ITGAD: variants seen among roughly 807,000 people sequenced by gnomAD.
ITGAD encodes integrin alpha-D.
Under a neutral mutation model 139.0 loss-of-function variants are expected in ITGAD, and 105 were observed. That is an observed-to-expected ratio of 0.76 (90% CI 0.65 to 0.89). The LOEUF (loss-of-function observed/expected upper bound fraction) is 0.89, where lower values mean the gene tolerates loss of function less well. ITGAD is among the 40% of genes least tolerant of loss of function. The pLI is 0.00. For synonymous variants in ITGAD, 569 were observed against 598.3 expected (o/e 0.95, Z 0.71); for missense variants, 1,384 against 1,487.3 (o/e 0.93, Z 1.14).
At position 31,414,468 on chromosome 16, in the gene ITGAD, G is replaced by C; in HGVS notation, c.2014G>C (p.Val672Leu). 6.2e-7 allele frequency: 1 copy of C among 1,614,196 alleles called. No individual in the cohort carries two copies. The highest frequency in any genetic ancestry group is 8.5e-7 in the Non-Finnish European group (1 of 1,180,020). The change falls in exon 17 of 30, where the codon GTC becomes CTC. Residue 672 changes from valine to leucine, a missense_variant. By Grantham distance (32) the Val-to-Leu change is conservative (BLOSUM62 1). Coordinates refer to ENST00000389202, the MANE Select transcript of ITGAD (RefSeq NM_005353.3). ...LDQLGDIQSS[V>L]RFDLALDPGR... The stretch of plus-strand genomic sequence containing the variant: ...CACTTCAGGTGACATCCAAAGCTCT[G>C]TCAGGTTTGATCTGGCACTGGACCC...
intron 2 of ITGAD, 106 bp downstream of exon 2, chr16:31,394,447 G>C (rs2081217574): frequency 2.8e-6 from 2 of 718,048 alleles, no homozygotes; most frequent in Non-Finnish European, 4.7e-6. Flanking sequence ...GCCAGCAGGG[G>C]TGAGAAGTCT....
Position 31,411,081 on chromosome 16 carries a change from C to T in ITGAD, c.1362C>T (p.Gly454=). ...KKAEVTGTQI[G]SYFGASLCSV... Reference sequence around the variant, plus strand: ...ACCCAGGCTCTGCCCTCCAGATCGGCTCCTACTTCGGGGCCTCCCTCTGCT... The same window carrying T: ...ACCCAGGCTCTGCCCTCCAGATCGGTTCCTACTTCGGGGCCTCCCTCTGCT... The change falls in exon 13 of 30, where the codon GGC becomes GGT. Residue 454 remains glycine (G), a synonymous_variant. Coordinates refer to ENST00000389202, the MANE Select transcript of ITGAD (RefSeq NM_005353.3). The T allele has an allele frequency of 6.2e-7, 1 of 1,612,198 alleles. No individual in the cohort carries two copies.
chr16:31,402,245 G>A lies in ITGAD; in HGVS notation c.558G>A (p.Leu186=). ...GCCAGTTTGAGGGCACTGACACCCT[G>A]GTGAAGACTGGGCACCTGGGGCTGG... is the stretch of plus-strand genomic sequence containing the variant. ...VMGQFEGTDT[L]FALMQYSNLL... The change falls in exon 6 of 30, where the codon CTG becomes CTA. Residue 186 remains leucine, a splice_region_variant and synonymous_variant. Transcript: ENST00000389202. 6.3e-7 allele frequency: 1 copy of A among 1,592,464 alleles called. No homozygotes were observed. The highest frequency in any genetic ancestry group is 8.6e-7 in the Non-Finnish European group (1 of 1,166,404).
intron 7 of ITGAD, among the ~76,000 whole-genome samples, chr16:31,406,863 G>A (rs1292976193): frequency 6.6e-6 from 1 of 152,202 alleles, no homozygotes; most frequent in East Asian, 1.9e-4. Context: ...CTACAGCACA[G>A]TTATCCTCAT....
rs769568946 is a variant in ITGAD, at chr16:31,423,864, G to T, written c.3065G>T (p.Cys1022Phe). The change falls in exon 27 of 30, where the codon TGC becomes TTC. Residue 1022 changes from cysteine (C) to phenylalanine (F), a missense_variant. Transcript: ENST00000389202. ...CCCCAGGACTGCTCCATTGCTGACT[G>T]CCTGCAGTTCCGCTGTGACGTCCCC... ...SPMLDCSIAD[C>F]LQFRCDVPSF... is the part of the protein sequence containing the mutation. 1 of 1,614,076 alleles carries T rather than the reference G, an allele frequency of 6.2e-7. No homozygotes were observed. Among genetic ancestry groups the T allele is most frequent in the African/African-American group, 1.3e-5 (1 of 74,908 alleles).
chr16:31,414,534 A>C lies in ITGAD; in HGVS notation c.2080A>C (p.Asn694His), dbSNP rs2081831761. 1 of 1,614,166 alleles carries C rather than the reference A, an allele frequency of 6.2e-7. No homozygotes were observed. The highest frequency in any genetic ancestry group is 8.5e-7 in the Non-Finnish European group (1 of 1,180,040). Residue 694 changes from asparagine to histidine, a missense_variant, in exon 17 of 30, where the codon AAC (asparagine) becomes CAC (histidine). Coordinates refer to ENST00000389202, the MANE Select transcript of ITGAD (RefSeq NM_005353.3). ...TSRAIFNETK[N>H]PTLTRRKTLG... is the part of the protein sequence containing the mutation. ...TCGTGCCATTTTCAATGAAACCAAG[A>C]ACCCCACTTTGACTCGAAGAAAAAC...
intron 14 of ITGAD, among the ~76,000 whole-genome samples, chr16:31,412,007 G>A (rs761559238): frequency 3.3e-5 from 5 of 151,746 alleles, no homozygotes; most frequent in Non-Finnish European, 7.4e-5. Context: ...CTCATGACGG[G>A]TTGGACCCAA....
rs138582754 is a variant in ITGAD, at chr16:31,403,581, C to T, written c.640C>T (p.Leu214=). 1.2e-6 allele frequency: 2 copies of T among 1,614,214 alleles called. No homozygotes were observed. ...CCGGACCAGCCCGAGCCAGCAGAGC[C>T]TGGTGGATCCCATCGTCCAACTGAA... ...QFRTSPSQQS[L]VDPIVQLKGL... is the part of the protein sequence containing the mutation. The change falls in exon 7 of 30, where the codon CTG becomes TTG. Residue 214 remains leucine, a synonymous_variant. Coordinates refer to ENST00000389202, the MANE Select transcript of ITGAD (RefSeq NM_005353.3). The surrounding 1 kb of genome is among the most constrained non-coding windows in gnomAD (Gnocchi z 4.4).
At chr16:31,413,054 C>T in intron 15 of ITGAD, 35 bp from the exon 16 acceptor site, 1 of 1,610,716 alleles carries the variant, frequency 6.2e-7, no homozygotes, top group Non-Finnish European at 8.5e-7. Context: ...TCCCAGAAGC[C>T]AGTGTTCTGT....
chr16:31,398,190 G>A (rs2081319226), intron 5 of ITGAD, among the ~76,000 whole-genome samples: 1 of 152,178 alleles, frequency 6.6e-6, no homozygotes, highest in Non-Finnish European at 1.5e-5. Context: ...GCTGAGGTGG[G>A]CGGATCACCT....
At chr16:31,417,942 G>A (rs1178998263) in intron 20 of ITGAD, 133 bp from the exon 21 acceptor site, 30 of 592,002 alleles carry the variant, frequency 5.1e-5, no homozygotes, top group Middle Eastern at 4.6e-4. Flanking sequence ...AGTGAAATCC[G>A]TCTCAAAAAA....
At chr16:31,419,962 A>G (rs940020872) in intron 23 of ITGAD, among the ~76,000 whole-genome samples, 1 of 152,148 alleles carries the variant, frequency 6.6e-6, no homozygotes, top group Non-Finnish European at 1.5e-5. Flanking sequence ...CTGGTGGGAC[A>G]CACACACATT....
chr16:31,401,858 C>T (rs1480401167), intron 5 of ITGAD, among the ~76,000 whole-genome samples: 1 of 152,218 alleles, frequency 6.6e-6, no homozygotes, highest in Non-Finnish European at 1.5e-5. Context: ...GCACCCCTAG[C>T]ATCTGTGTTT....
chr16:31,401,612 C>T (rs908918788), intron 5 of ITGAD, among the ~76,000 whole-genome samples: 2 of 152,222 alleles, frequency 1.3e-5, no homozygotes, highest in Non-Finnish European at 2.9e-5. Flanking sequence ...GGCAGAGGGC[C>T]AGGACTTGTC....
intron 7 of ITGAD, chr16:31,404,348 G>C (rs1454338138): frequency 6.6e-6 from 1 of 152,224 alleles, no homozygotes; most frequent in Non-Finnish European, 1.5e-5. Context: ...GAAGGAGCTG[G>C]GCTGACGGTC....
intron 20 of ITGAD, 129 bp from the exon 21 acceptor site, chr16:31,417,946 C>CA (rs11286775): frequency 4.6e-5 from 33 of 711,544 alleles, no homozygotes; most frequent in East Asian, 7.8e-5. Context: ...AAATCCGTCT[C>CA]AAAAAAAAAC....
Position 31,424,490 on chromosome 16 carries a change from C to G in ITGAD, c.3285C>G (p.Asp1095Glu), listed in dbSNP as rs779933148. 6.2e-7 allele frequency: 1 copy of G among 1,613,690 alleles called. No individual in the cohort carries two copies. Among genetic ancestry groups the G allele is most frequent in the Non-Finnish European group, 8.5e-7 (1 of 1,179,706 alleles). Residue 1095 changes from aspartate to glutamate, a missense_variant, in exon 29 of 30, where the codon GAC becomes GAG. Transcript: ENST00000389202. ...AGATGGAGATGGTGCTAGAAGAAGA[C>G]GAGGTCTACAATGCCATTCCCATCA... is the stretch of plus-strand genomic sequence containing the variant. ...RAQMEMVLEEDEVYNAIPIIM... is the reference protein window; with the variant it reads ...RAQMEMVLEEEEVYNAIPIIM...
At position 31,410,792 on chromosome 16, in the gene ITGAD, C is replaced by A; in HGVS notation, c.1270C>A (p.Pro424Thr). ...GGTACAGAACCTGGTCCTGGGGGCC[C>A]CCCGCTACCAGCATACCGGGAAGGC... ...KGVQNLVLGA[P>T]RYQHTGKAVI... The change falls in exon 12 of 30, where the codon CCC (proline) becomes ACC (threonine). Residue 424 changes from proline to threonine, a missense_variant. Physicochemically the swap from Pro to Thr is conservative, Grantham distance 38. Transcript: ENST00000389202. 1 of 1,613,798 alleles carries A rather than the reference C, an allele frequency of 6.2e-7. No homozygotes were observed. Among genetic ancestry groups the A allele is most frequent in the Non-Finnish European group, 8.5e-7 (1 of 1,179,908 alleles).
chr16:31,423,863 T>A lies in ITGAD; in HGVS notation c.3064T>A (p.Cys1022Ser). The change falls in exon 27 of 30, where the codon TGC becomes AGC. Residue 1022 changes from cysteine to serine, a missense_variant. Coordinates refer to ENST00000389202, the MANE Select transcript of ITGAD (RefSeq NM_005353.3). ...CCCCCAGGACTGCTCCATTGCTGAC[T>A]GCCTGCAGTTCCGCTGTGACGTCCC... ...SPMLDCSIAD[C>S]LQFRCDVPSF... 2 of 1,614,244 alleles carry A rather than the reference T, an allele frequency of 1.2e-6. No individual in the cohort carries two copies. The highest frequency in any genetic ancestry group is 1.7e-6 in the Non-Finnish European group (2 of 1,180,040).
Sources: gnomAD v4.1 joint callset for allele counts (sites outside exome capture counted in the v4.1 genomes callset) on GRCh38, gnomAD v4.1.1 for gene constraint, Gnocchi (gnomAD v3.1) non-coding constraint, MANE v1.5 for transcripts, NCBI Gene and HGNC (gene_info 2026-07-23, HGNC 2026-07-21) for gene names.